PTPRD: variants seen among roughly 807,000 people sequenced by gnomAD.
PTPRD encodes the protein receptor-type tyrosine-protein phosphatase delta.
A neutral mutation model predicts 214.5 loss-of-function variants in PTPRD; 34 were observed. The observed-to-expected ratio is 0.16, with a 90% CI of 0.12 to 0.21. The LOEUF is 0.21. Among genes scored for constraint, PTPRD ranks in the 10% least tolerant of loss-of-function variants. PTPRD has a pLI of 1.00. For synonymous variants in PTPRD, 1,128 were observed against 845.7 expected, an observed-to-expected ratio of 1.33 and a Z score of -5.79; for missense variants, 2,545 against 2,398.7, an observed-to-expected ratio of 1.06 and a Z score of -1.27.
intron 11 of PTPRD, among the ~76,000 whole-genome samples, chr9:8,995,421 G>A (rs754406576): frequency 2.0e-5 from 3 of 151,950 alleles, no homozygotes; most frequent in Non-Finnish European, 4.4e-5. Flanking sequence ...TGATAACATT[G>A]AAACTCGCTG....
chr9:9,807,646 A>G (rs1228335848), intron 5 of PTPRD, among the ~76,000 whole-genome samples: 1 of 152,206 alleles, frequency 6.6e-6, no homozygotes, highest in African/African-American at 2.4e-5. Context: ...TTGCTCTAGC[A>G]TATTCACTTC....
At chr9:8,805,911 C>T (rs373644704) in intron 11 of PTPRD, among the ~76,000 whole-genome samples, 3 of 143,786 alleles carry the variant, frequency 2.1e-5, no homozygotes, top group South Asian at 4.8e-4. Flanking sequence ...AGGAGAATGG[C>T]GTGAACCCGG....
intron 3 of PTPRD, among the ~76,000 whole-genome samples, chr9:10,263,667 G>A (rs1167915901): frequency 6.6e-6 from 1 of 152,122 alleles, no homozygotes; most frequent in Non-Finnish European, 1.5e-5. Context: ...TTTGCAGCCT[G>A]ACAATGCAAT....
At chr9:10,410,223 T>G (rs2154505485) in intron 2 of PTPRD, among the ~76,000 whole-genome samples, 1 of 140,598 alleles carries the variant, frequency 7.1e-6, no homozygotes, top group East Asian at 2.1e-4. Context: ...AATGTGCTAA[T>G]AACCAGGTAA....
chr9:8,691,725 T>C (rs1565317972), intron 12 of PTPRD, among the ~76,000 whole-genome samples: 2 of 152,230 alleles, frequency 1.3e-5, no homozygotes, highest in South Asian at 2.1e-4. Flanking sequence ...TTTCTTAAAA[T>C]ACGTTGGTTA....
chr9:10,584,242 G>A (rs527382130), intron 2 of PTPRD, among the ~76,000 whole-genome samples: 2 of 151,638 alleles, frequency 1.3e-5, no homozygotes, highest in African/African-American at 4.8e-5. Flanking sequence ...CTTGGTCAAT[G>A]CATGAAAAAG....
At chr9:9,927,126 C>A (rs958039787) in intron 5 of PTPRD, among the ~76,000 whole-genome samples, 1 of 152,120 alleles carries the variant, frequency 6.6e-6, no homozygotes, top group Non-Finnish European at 1.5e-5. Flanking sequence ...CCATTATATA[C>A]TTAACCAGTA....
At chr9:9,457,037 T>C (rs113221115) in intron 8 of PTPRD, among the ~76,000 whole-genome samples, 2,564 of 152,044 alleles carry the variant, frequency 0.017, 59 homozygotes, top group African/African-American at 0.058. Flanking sequence ...GGCAACTCTC[T>C]CTGTAAGGAC....
chr9:8,505,157 C>T (rs755407963), intron 22 of PTPRD, among the ~76,000 whole-genome samples: 13 of 152,204 alleles, frequency 8.5e-5, no homozygotes, highest in Admixed American at 7.2e-4. Flanking sequence ...TCTCACCTTC[C>T]GTGCTTAAAA....
At chr9:9,945,412 C>T (rs1159082663) in intron 4 of PTPRD, among the ~76,000 whole-genome samples, 1 of 152,048 alleles carries the variant, frequency 6.6e-6, no homozygotes, top group African/African-American at 2.4e-5. Context: ...GGTAGTCCAA[C>T]TTTTAGATAC....
At chr9:8,765,167 A>C (rs1416808637) in intron 11 of PTPRD, among the ~76,000 whole-genome samples, 1 of 152,214 alleles carries the variant, frequency 6.6e-6, no homozygotes, top group Non-Finnish European at 1.5e-5. Context: ...TATGTGTAGT[A>C]GTTTAAAGAT....
intron 7 of PTPRD, among the ~76,000 whole-genome samples, chr9:9,703,132 T>C (rs2097534723): frequency 6.6e-6 from 1 of 152,098 alleles, no homozygotes; most frequent in African/African-American, 2.4e-5. Flanking sequence ...CGATGGTGAC[T>C]TCTCATGAAA....
intron 11 of PTPRD, among the ~76,000 whole-genome samples, chr9:8,883,751 C>A (rs1345924691): frequency 6.6e-6 from 1 of 152,144 alleles, no homozygotes; most frequent in Non-Finnish European, 1.5e-5. Context: ...AAATCACTTG[C>A]ACCACCTGAA....
chr9:8,756,412 A>G (rs1357037150), intron 11 of PTPRD, among the ~76,000 whole-genome samples: 2 of 152,340 alleles, frequency 1.3e-5, no homozygotes, highest in East Asian at 3.9e-4. Flanking sequence ...TATATGTAAC[A>G]TGCATGGAAT....
intron 3 of PTPRD, among the ~76,000 whole-genome samples, chr9:10,163,137 C>G (rs760704967): frequency 2.7e-5 from 4 of 147,176 alleles, no homozygotes; most frequent in South Asian, 2.1e-4. Flanking sequence ...CCTTATTCTA[C>G]TGAGTGTCAT....
At chr9:9,120,484 A>G (rs2099816567) in intron 10 of PTPRD, among the ~76,000 whole-genome samples, 1 of 152,216 alleles carries the variant, frequency 6.6e-6, no homozygotes, top group African/African-American at 2.4e-5. Flanking sequence ...GGAGCTATGG[A>G]AAAGTCTGTC....
intron 11 of PTPRD, among the ~76,000 whole-genome samples, chr9:8,819,136 C>G (rs1339351423): frequency 6.6e-6 from 1 of 152,150 alleles, no homozygotes; most frequent in Non-Finnish European, 1.5e-5. Flanking sequence ...AAGGAAATCA[C>G]TATCTTTGGT....
chr9:10,288,090 T>C, intron 3 of PTPRD, among the ~76,000 whole-genome samples: 1 of 140,746 alleles, frequency 7.1e-6, no homozygotes, highest in Non-Finnish European at 1.5e-5. Context: ...TAAAATACTT[T>C]AAAAATTTTG....
At chr9:8,740,371 T>C (rs7848017) in intron 11 of PTPRD, among the ~76,000 whole-genome samples, 74,781 of 152,098 alleles carry the variant, frequency 0.49, 18,998 homozygotes, top group South Asian at 0.62. Context: ...AGGACAAGCA[T>C]ACTTCTAAAC....
Sources: gnomAD v4.1 joint callset for allele counts (sites outside exome capture counted in the v4.1 genomes callset) on GRCh38, gnomAD v4.1.1 for gene constraint, MANE v1.5 for transcripts, NCBI Gene and HGNC (gene_info 2026-07-23, HGNC 2026-07-21) for gene names.